The following NAB1 variants were observed in gnomAD, a reference collection of about 807,000 sequenced individuals.
NAB1 encodes the protein NGFI-A binding protein 1, also known as NGFI-A-binding protein 1.
In NAB1, 25 loss-of-function variants were observed where a neutral mutation model predicts 49.9. That is an observed-to-expected ratio of 0.50 (90% CI 0.37 to 0.70). The LOEUF is 0.70. Among genes scored for constraint, NAB1 ranks in the 30% least tolerant of loss-of-function variants. NAB1 has a pLI of 0.00. For synonymous variants in NAB1, 198 were observed against 215.6 expected (o/e 0.92, Z 0.71); for missense variants, 489 against 575.9 (o/e 0.85, Z 1.54).
Position 190,659,725 on chromosome 2 carries a change from C to G in NAB1, c.549C>G (p.Ser183=), listed in dbSNP as rs745576664. The stretch of plus-strand genomic sequence containing the variant: ...CAGCAGACCTGGGCTCCCCCGCGTC[C>G]CCAAAGGAGAGCAGTGAGGCGCTGG... ...LSPADLGSPA[S]PKESSEALDA... The change falls in exon 4 of 10, where the codon TCC becomes TCG. Residue 183 remains serine, a synonymous_variant. Transcript: ENST00000337386. This position sits in a 1 kb window ranked among gnomAD's most constrained non-coding sequence, Gnocchi z 6.2. The G allele has an allele frequency of 1.9e-6, 3 of 1,613,872 alleles. No individual in the cohort carries two copies. The highest frequency in any genetic ancestry group is 2.7e-5 in the African/African-American group (2 of 74,916).
rs1186505294 is a variant in NAB1 at position 190,685,006 on chromosome 2, T to TTAG, written c.1096-469_1096-468insAGT. 6.6e-6 allele frequency among the ~76,000 whole-genome samples: 1 copy of TTAG among 152,266 alleles called. No individual in the cohort carries two copies. Among genetic ancestry groups the TTAG allele is most frequent in the African/African-American group, 2.4e-5 (1 of 41,472 alleles). On this transcript the variant is annotated intron_variant, in intron 7 of 9. Transcript: ENST00000337386. This position sits in a 1 kb window ranked among gnomAD's most constrained non-coding sequence, Gnocchi z 4.5. ...AGTGGGAAGTGTATTTGTCTTGTTC[T>TTAG]TCTAGACAGCCGTTTTACACCTTTT...
At chr2:190,687,581 T>TC (rs1408352054) in intron 9 of NAB1, among the ~76,000 whole-genome samples, 1 of 152,036 alleles carries the variant, frequency 6.6e-6, no homozygotes, top group East Asian at 1.9e-4. Flanking sequence ...ATGCAAATAG[T>TC]CCAAAATCTG....
rs1375192373 is a variant in NAB1 at position 190,685,600 on chromosome 2, G to T, written c.1220G>T (p.Ser407Ile). The T allele has an allele frequency of 6.2e-7, 1 of 1,611,936 alleles. No individual in the cohort carries two copies. The highest frequency in any genetic ancestry group is 1.3e-5 in the African/African-American group (1 of 74,850). The change falls in exon 8 of 10, where the codon AGT becomes ATT. Residue 407 changes from serine to isoleucine, a missense_variant. Transcript: ENST00000337386. This position sits in a 1 kb window ranked among gnomAD's most constrained non-coding sequence, Gnocchi z 4.5. ...TACAGGCAGAGCTCAGAAGAGCACA[G>T]TCCTAACGGCTTGACTTCCGATAAC... ...GLYRQSSEEH[S>I]PNGLTSDNSD...
At chr2:190,665,318 ATCTC>A (rs1694459804) in intron 4 of NAB1, among the ~76,000 whole-genome samples, 1 of 149,248 alleles carries the variant, frequency 6.7e-6, no homozygotes. Context: ...GCAAGACTCC[ATCTC>A]AAAAAAAAAA....
In NAB1 at chr2:190,663,007, T is replaced by C. The variant is rs1333181657; in HGVS notation, c.819+3012T>C. Among the ~76,000 whole-genome samples the C allele has an allele frequency of 1.3e-5, 2 of 152,196 alleles. No homozygotes were observed. Among genetic ancestry groups the C allele is most frequent in the Non-Finnish European group, 2.9e-5 (2 of 68,026 alleles). ...AGTGTTTCAGAGGAGGCCAGCAATT[T>C]CACCTTTGAGAGAGGAGGAATGCTG... is the stretch of plus-strand genomic sequence containing the variant. On this transcript the variant is annotated intron_variant, in intron 4 of 9. Transcript: ENST00000337386. This position sits in a 1 kb window ranked among gnomAD's most constrained non-coding sequence, Gnocchi z 4.2.
At position 190,678,001 on chromosome 2, in the gene NAB1, T is replaced by A. The variant is rs1222502833; in HGVS notation, c.1005+4849T>A. 6.6e-6 allele frequency among the ~76,000 whole-genome samples: 1 copy of A among 152,202 alleles called. No homozygotes were observed. The highest frequency in any genetic ancestry group is 1.9e-4 in the East Asian group (1 of 5,200). On this transcript the variant is annotated intron_variant, in intron 6 of 9. Coordinates refer to ENST00000337386, the MANE Select transcript of NAB1 (RefSeq NM_005966.4). This position sits in a 1 kb window ranked among gnomAD's most constrained non-coding sequence, Gnocchi z 4.9. ...AGTTATTATTTTCTAATCCAAGAAA[T>A]GTTATGTAGTAAACAGTTACAAGTT...
At position 190,663,331 on chromosome 2, in the gene NAB1, C is replaced by T. The variant is rs181218645; in HGVS notation, c.819+3336C>T. On this transcript the variant is annotated intron_variant, in intron 4 of 9. Coordinates refer to ENST00000337386, the MANE Select transcript of NAB1 (RefSeq NM_005966.4). This position sits in a 1 kb window ranked among gnomAD's most constrained non-coding sequence, Gnocchi z 4.2. ...ATTGTACACTTATCTCTCCTTAGCT[C>T]CTGACCAACCTTGCCAAAGGTTTGC... Among the ~76,000 whole-genome samples the T allele has an allele frequency of 6.6e-6, 1 of 152,304 alleles. No individual in the cohort carries two copies. The highest frequency in any genetic ancestry group is 1.9e-4 in the East Asian group (1 of 5,196).
In NAB1 at chr2:190,654,874, G is replaced by A. The variant is rs1257694966; in HGVS notation, c.-196-1103G>A. Among the ~76,000 whole-genome samples, 3 of 152,240 alleles carry A rather than the reference G, an allele frequency of 2.0e-5. No homozygotes were observed. The highest frequency in any genetic ancestry group is 2.1e-4 in the South Asian group (1 of 4,816). On this transcript the variant is annotated intron_variant, in intron 2 of 9. Coordinates refer to ENST00000337386, the MANE Select transcript of NAB1 (RefSeq NM_005966.4). This position sits in a 1 kb window ranked among gnomAD's most constrained non-coding sequence, Gnocchi z 5.6. ...ATGGAATCCAAACTTACTTAAATCC[G>A]GGAAACTGAAAGACCAATGGTGCAA...
intron 9 of NAB1, among the ~76,000 whole-genome samples, chr2:190,688,366 C>A (rs1559256439): frequency 6.6e-6 from 1 of 152,128 alleles, no homozygotes; most frequent in African/African-American, 2.4e-5. Context: ...CTCTTGGTAG[C>A]AGATGCTAAA....
chr2:190,656,687 C>T (rs748054011), intron 3 of NAB1, among the ~76,000 whole-genome samples: 2 of 152,022 alleles, frequency 1.3e-5, no homozygotes, highest in South Asian at 4.1e-4. Flanking sequence ...AAGGATAAAA[C>T]TTGAAAATTA....
chr2:190,670,889 C>T lies in NAB1; in HGVS notation c.953+430C>T, dbSNP rs1022765940. 1.3e-5 allele frequency among the ~76,000 whole-genome samples: 2 copies of T among 152,184 alleles called. No homozygotes were observed. Among genetic ancestry groups the T allele is most frequent in the Non-Finnish European group, 2.9e-5 (2 of 68,038 alleles). ...GATTAGCTGAATATGTAAAACGACT[C>T]TATTGACTAGTATCTAAGGGAAAAT... On this transcript the variant is annotated intron_variant, in intron 5 of 9. Transcript: ENST00000337386. The surrounding 1 kb of genome is among the most constrained non-coding windows in gnomAD (Gnocchi z 5.3).
rs573243530 is a variant in NAB1 at position 190,667,402 on chromosome 2, A to C, written c.820-2924A>C. ...AAATCGCTACATAAAAAGCTATTTG[A>C]GAATCCTCTTCAAGGTCATTTAGCT... On this transcript the variant is annotated intron_variant, in intron 4 of 9. Transcript: ENST00000337386. This position sits in a 1 kb window ranked among gnomAD's most constrained non-coding sequence, Gnocchi z 4.4. Among the ~76,000 whole-genome samples the C allele has an allele frequency of 2.3e-4, 35 of 152,370 alleles. No homozygotes were observed. The highest frequency in any genetic ancestry group is 8.4e-4 in the African/African-American group (35 of 41,596).
rs1440993081 is a variant in NAB1, at chr2:190,674,082, C to G, written c.1005+930C>G. 1.3e-5 allele frequency among the ~76,000 whole-genome samples: 2 copies of G among 152,144 alleles called. No homozygotes were observed. The highest frequency in any genetic ancestry group is 2.9e-5 in the Non-Finnish European group (2 of 68,008). On this transcript the variant is annotated intron_variant, in intron 6 of 9. Coordinates refer to ENST00000337386, the MANE Select transcript of NAB1 (RefSeq NM_005966.4). The surrounding 1 kb of genome is among the most constrained non-coding windows in gnomAD (Gnocchi z 5.7). Reference sequence around the variant, plus strand: ...ACAGAGTATCTATATGGCAGTAATCCTTTATTCATATCAAAGCCAGAGTTA... The same window carrying G: ...ACAGAGTATCTATATGGCAGTAATCGTTTATTCATATCAAAGCCAGAGTTA...
intron 3 of NAB1, 103 bp downstream of exon 3, chr2:190,656,256 G>A (rs1022554908): frequency 1.3e-5 from 2 of 152,202 alleles, no homozygotes; most frequent in African/African-American, 4.8e-5. Context: ...GAGAGAGGCA[G>A]GTAGAAGCTT....
chr2:190,687,424 T>A (rs566019352), intron 9 of NAB1, 107 bp downstream of exon 9: 5 of 620,596 alleles, frequency 8.1e-6, no homozygotes, highest in Admixed American at 7.8e-5. Context: ...AAAAAAGTCA[T>A]TACTGACAGT....
rs191401368 is a variant in NAB1 at position 190,675,531 on chromosome 2, A to G, written c.1005+2379A>G. 6.6e-6 allele frequency among the ~76,000 whole-genome samples: 1 copy of G among 152,300 alleles called. No individual in the cohort carries two copies. On this transcript the variant is annotated intron_variant, in intron 6 of 9. Transcript: ENST00000337386. This position sits in a 1 kb window ranked among gnomAD's most constrained non-coding sequence, Gnocchi z 5.2. The stretch of plus-strand genomic sequence containing the variant: ...CTAGAGATACTTGAGTTATAGTTCT[A>G]TACGGTTAGTTTATTGGTTTACTGG...
rs1176901818 is a variant in NAB1 at position 190,670,499 on chromosome 2, G to T, written c.953+40G>T. On this transcript the variant is annotated intron_variant, in intron 5 of 9. Transcript: ENST00000337386. The surrounding 1 kb of genome is among the most constrained non-coding windows in gnomAD (Gnocchi z 5.3). ...AATCGTCATTATTTTTGCATTGCTT[G>T]AGAGAAGTAGAGTTCGAAACATCAT... 2 of 1,597,244 alleles carry T rather than the reference G, an allele frequency of 1.3e-6. No individual in the cohort carries two copies. Among genetic ancestry groups the T allele is most frequent in the Admixed American group, 1.7e-5 (1 of 58,584 alleles).
At position 190,690,278 on chromosome 2, in the gene NAB1, C is replaced by T. The variant is rs767613737; in HGVS notation, c.1409C>T (p.Ser470Leu). 1.9e-5 allele frequency: 30 copies of T among 1,612,652 alleles called. No individual in the cohort carries two copies. The highest frequency in any genetic ancestry group is 1.8e-5 in the Non-Finnish European group (21 of 1,179,154). ...SLGILKDYPH[S>L]AFTLEKKVIK... ...GGGATTTTAAAAGACTACCCTCATT[C>T]AGCTTTTACCTTAGAAAAGAAAGTC... The change falls in exon 10 of 10, where the codon TCA becomes TTA. Residue 470 changes from serine to leucine, a missense_variant. Ser to Leu is a moderately radical substitution (Grantham distance 145). Around this residue, in one of 4 missense-constraint regions of NAB1, gnomAD observed 212 missense variants for 199.3 expected, o/e 1.06. Coordinates refer to ENST00000337386, the MANE Select transcript of NAB1 (RefSeq NM_005966.4).
At chr2:190,672,884 A>T (rs983618732) in intron 5 of NAB1, among the ~76,000 whole-genome samples, 2 of 152,200 alleles carry the variant, frequency 1.3e-5, no homozygotes. Flanking sequence ...TGGCCTTTTA[A>T]AATGTATAAT....
Sources: gnomAD v4.1 joint callset for allele counts (sites outside exome capture counted in the v4.1 genomes callset) on GRCh38, gnomAD v4.1.1 for gene constraint, gnomAD v4.1.1 regional missense constraint, Gnocchi (gnomAD v3.1) non-coding constraint, MANE v1.5 for transcripts, NCBI Gene and HGNC (gene_info 2026-07-23, HGNC 2026-07-21) for gene names.